The following NUP188 variants were observed in gnomAD, a reference collection of about 807,000 sequenced individuals.
The protein encoded by NUP188 is nucleoporin 188, also known as nucleoporin NUP188.
A neutral mutation model predicts 223.0 loss-of-function variants in NUP188; 97 were observed. That is an observed-to-expected ratio of 0.43 (90% CI 0.37 to 0.51). The LOEUF (loss-of-function observed/expected upper bound fraction) is 0.51, where lower values mean the gene tolerates loss of function less well. Ranked by LOEUF, NUP188 falls within the 20% of genes least tolerant of loss-of-function variation. The pLI, the probability that NUP188 is intolerant of heterozygous loss-of-function variation, is 0.00. For synonymous variants in NUP188, 869 were observed against 828.0 expected (o/e 1.05, Z -0.85); for missense variants, 1,947 against 2,175.6 (o/e 0.89, Z 2.09).
chr9:128,999,108 C>G, intron 32 of NUP188, 64 bp from the exon 33 acceptor site: 1 of 1,452,898 alleles, frequency 6.9e-7, no homozygotes, highest in Non-Finnish European at 9.6e-7. Context: ...CCGCCTTGGC[C>G]TCCCAAAGTG....
chr9:128,982,291 G>A (rs1842265005), intron 15 of NUP188, among the ~76,000 whole-genome samples: 1 of 151,962 alleles, frequency 6.6e-6, no homozygotes, highest in Non-Finnish European at 1.5e-5. Flanking sequence ...TTAGCCAGGA[G>A]TGGTGGTGCG....
intron 14 of NUP188, 144 bp from the exon 15 acceptor site, chr9:128,981,120 C>A: frequency 2.1e-6 from 2 of 930,686 alleles, no homozygotes; most frequent in Non-Finnish European, 3.3e-6. Flanking sequence ...GAAGATTTGG[C>A]GAGGGGCGCA....
rs964395605 is a variant in NUP188, at chr9:129,001,791, T to A, written c.4044+62T>A. 5 of 1,599,778 alleles carry A rather than the reference T, an allele frequency of 3.1e-6. No individual in the cohort carries two copies. In the African/African-American group the frequency reaches 6.7e-5, roughly 21 times the overall value. On this transcript the variant is annotated intron_variant, in intron 35 of 43. Coordinates refer to ENST00000372577, the MANE Select transcript of NUP188 (RefSeq NM_015354.3). ...TGCTTGCCTGGGTGGGTTCTGACAA[T>A]CCCAGAAGCTGTGATCTAGCCTGAG...
At chr9:128,970,392 G>A (rs2131155101) in intron 10 of NUP188, among the ~76,000 whole-genome samples, 1 of 152,248 alleles carries the variant, frequency 6.6e-6, no homozygotes, top group South Asian at 2.1e-4. Flanking sequence ...CATTTAAGGA[G>A]CCTGTGAAAG....
At position 128,988,033 on chromosome 9, in the gene NUP188, A is replaced by C; in HGVS notation, c.2394-14A>C. On this transcript the variant is annotated splice_polypyrimidine_tract_variant and intron_variant, in intron 23 of 43. Coordinates refer to ENST00000372577, the MANE Select transcript of NUP188 (RefSeq NM_015354.3). ...ACTGTCTGAATCATCTTTGGTTTCC[A>C]TTTGGCACCCTAGTGATGGGGCAGA... The C allele has an allele frequency of 6.2e-7, 1 of 1,613,578 alleles. No individual in the cohort carries two copies. The highest frequency in any genetic ancestry group is 1.1e-5 in the South Asian group (1 of 91,004).
intron 6 of NUP188, 84 bp from the exon 7 acceptor site, chr9:128,958,718 T>G: frequency 1.5e-6 from 1 of 659,136 alleles, no homozygotes. Flanking sequence ...CATCCACATC[T>G]TTAAGTGAAA....
At position 128,982,684 on chromosome 9, in the gene NUP188, ATGT is replaced by A. The variant is rs1198606985; in HGVS notation, c.1657_1659del (p.Val553del). On this transcript the variant is annotated inframe_deletion, in exon 16 of 44. Coordinates refer to ENST00000372577, the MANE Select transcript of NUP188 (RefSeq NM_015354.3). ...ACCTGCGAGATTGAAATGTTGCTTCATGTTGTTTCAACTGCAGGTAAGGTCAGC... is the reference window on the plus strand; with the variant it reads ...ACCTGCGAGATTGAAATGTTGCTTCATGTTTCAACTGCAGGTAAGGTCAGC... The A allele has an allele frequency of 1.2e-6, 2 of 1,613,904 alleles. No homozygotes were observed. The highest frequency in any genetic ancestry group is 1.3e-5 in the African/African-American group (1 of 74,928).
Position 128,993,535 on chromosome 9 carries a change from T to C in NUP188, c.2858T>C (p.Leu953Pro). ...DGSDGSKEFSLGMWSCLHAVL... is the reference protein window; with the variant it reads ...DGSDGSKEFSPGMWSCLHAVL... ...TGTCCCTTCTTGCAGGAATTCAGCCTTGGGATGTGGAGCTGTCTCCATGCA... is the reference window on the plus strand; with the variant it reads ...TGTCCCTTCTTGCAGGAATTCAGCCCTGGGATGTGGAGCTGTCTCCATGCA... The change falls in exon 27 of 44, where the codon CTT becomes CCT. Residue 953 changes from leucine (L) to proline (P), a missense_variant. Transcript: ENST00000372577. The C allele has an allele frequency of 6.2e-7, 1 of 1,614,124 alleles. No homozygotes were observed. Among genetic ancestry groups the C allele is most frequent in the Non-Finnish European group, 8.5e-7 (1 of 1,180,012 alleles).
chr9:128,995,584 A>G, intron 30 of NUP188, 70 bp downstream of exon 30: 1 of 1,286,992 alleles, frequency 7.8e-7, no homozygotes, highest in Non-Finnish European at 1.1e-6. Context: ...AGCCTAGCAG[A>G]TACAGCTCCT....
chr9:128,968,820 G>A (rs74496520), intron 9 of NUP188, 103 bp downstream of exon 9: 5 of 854,682 alleles, frequency 5.9e-6, no homozygotes, highest in Admixed American at 2.2e-5. Flanking sequence ...TCACTTAATC[G>A]GTGGGGAAAT....
At chr9:128,965,009 A>AT (rs969373726) in intron 8 of NUP188, among the ~76,000 whole-genome samples, 3 of 152,130 alleles carry the variant, frequency 2.0e-5, no homozygotes, top group African/African-American at 7.2e-5. Flanking sequence ...CCCGGCCAAA[A>AT]TTTTAAGTTT....
Position 128,993,200 on chromosome 9 carries a change from G to T in NUP188, c.2644G>T (p.Ala882Ser), listed in dbSNP as rs1274098894. The change falls in exon 26 of 44, where the codon GCC (alanine) becomes TCC (serine). Residue 882 changes from alanine to serine, a missense_variant. Ala to Ser is a moderately conservative substitution (Grantham distance 99). Transcript: ENST00000372577. Reference protein sequence around the residue: ...IQLLKRLATVAPMSVYACLGN... With the variant: ...IQLLKRLATVSPMSVYACLGN... ...TGTGTGTTCCGGTCTCCACCAGGTG[G>T]CCCCAATGTCAGTGTATGCTTGTCT... The T allele has an allele frequency of 6.2e-7, 1 of 1,613,710 alleles. No individual in the cohort carries two copies. Among genetic ancestry groups the T allele is most frequent in the Non-Finnish European group, 8.5e-7 (1 of 1,179,652 alleles).
chr9:128,971,087 A>G, intron 11 of NUP188, 129 bp downstream of exon 11: 3 of 703,368 alleles, frequency 4.3e-6, no homozygotes, highest in Non-Finnish European at 7.7e-6. Flanking sequence ...GCATTTAGAC[A>G]TCATCAGGCA....
At chr9:128,982,873 G>T in intron 16 of NUP188, 29 bp from the exon 17 acceptor site, 1 of 1,613,566 alleles carries the variant, frequency 6.2e-7, no homozygotes, top group Non-Finnish European at 8.5e-7. Flanking sequence ...GTTGTTTGCC[G>T]TGAGGTCACA....
intron 36 of NUP188, 68 bp downstream of exon 36, chr9:129,002,044 C>T (rs1406019891): frequency 7.9e-7 from 1 of 1,272,480 alleles, no homozygotes; most frequent in Non-Finnish European, 1.1e-6. Context: ...AAAGTGTCCT[C>T]CCCTACCTTT....
intron 8 of NUP188, among the ~76,000 whole-genome samples, chr9:128,963,130 C>T (rs1485183642): frequency 6.6e-6 from 1 of 152,076 alleles, no homozygotes; most frequent in Non-Finnish European, 1.5e-5. Context: ...TTATCCATTT[C>T]TCAGTTGATA....
intron 34 of NUP188, 142 bp from the exon 35 acceptor site, chr9:129,001,387 A>T (rs1564567552): frequency 4.4e-6 from 3 of 681,600 alleles, no homozygotes; most frequent in South Asian, 1.7e-5. Flanking sequence ...GGTGGGAGAG[A>T]GTGTGCATTC....
At chr9:128,971,190 T>C (rs1842099972) in intron 11 of NUP188, among the ~76,000 whole-genome samples, 1 of 152,154 alleles carries the variant, frequency 6.6e-6, no homozygotes, top group African/African-American at 2.4e-5. Flanking sequence ...ATTAGGAAAT[T>C]GAGACTCAGA....
chr9:128,969,324 G>A (rs1842073331), intron 9 of NUP188, 76 bp from the exon 10 acceptor site: 1 of 898,446 alleles, frequency 1.1e-6, no homozygotes, highest in Non-Finnish European at 1.8e-6. Flanking sequence ...ATATCGCAGT[G>A]TCTTATATCT....
Sources: allele counts gnomAD v4.1 joint callset (sites outside exome capture counted in the v4.1 genomes callset), GRCh38; gene constraint gnomAD v4.1.1; transcripts MANE v1.5; gene names NCBI Gene and HGNC (gene_info 2026-07-23, HGNC 2026-07-21).